Variants in NSUN3 observed in about 807,000 individuals in gnomAD.
NSUN3 encodes the protein NOP2/Sun RNA methyltransferase 3, also known as tRNA (cytosine(34)-C(5))-methyltransferase, mitochondrial.
In NSUN3, 24 loss-of-function variants were observed where a neutral mutation model predicts 36.8. The observed-to-expected ratio is 0.65, with a 90% CI of 0.47 to 0.92. NSUN3 has a LOEUF of 0.92. NSUN3 is among the 40% of genes least tolerant of loss of function. The probability of loss-of-function intolerance (pLI) is 0.00; values close to 1 mark genes in which losing one functional copy is unlikely to be tolerated. For missense variants in NSUN3, 381 were observed against 392.8 expected, an observed-to-expected ratio of 0.97 and a Z score of 0.25; for synonymous variants, 146 against 145.2, an observed-to-expected ratio of 1.01 and a Z score of -0.04.
intron 2 of NSUN3, among the ~76,000 whole-genome samples, chr3:94,069,367 A>G (rs2077216622): frequency 6.6e-6 from 1 of 152,228 alleles, no homozygotes; most frequent in Non-Finnish European, 1.5e-5. Flanking sequence ...GTGCATTTCC[A>G]TAAATTGATT....
chr3:94,063,093 G>T lies in NSUN3; in HGVS notation c.-34G>T. ...TGGAGGCTTTTTGATACTGATTCGCGTACACCTGTTGTTTGAAAGCTCTCA... is the reference window on the plus strand; with the variant it reads ...TGGAGGCTTTTTGATACTGATTCGCTTACACCTGTTGTTTGAAAGCTCTCA... On this transcript the variant is annotated 5_prime_UTR_variant, in exon 1 of 6. Transcript: ENST00000314622. The T allele has an allele frequency of 6.2e-7, 1 of 1,613,724 alleles. No homozygotes were observed. The highest frequency in any genetic ancestry group is 8.5e-7 in the Non-Finnish European group (1 of 1,179,760).
chr3:94,094,118 C>A (rs945187128), intron 3 of NSUN3, 22 bp from the exon 4 acceptor site: 95 of 1,535,858 alleles, frequency 6.2e-5, no homozygotes, highest in Non-Finnish European at 8.0e-5. Flanking sequence ...TCATTTGAAA[C>A]TTTTTAATCC....
chr3:94,089,403 G>A (rs1367688298), intron 3 of NSUN3, among the ~76,000 whole-genome samples: 1 of 152,168 alleles, frequency 6.6e-6, no homozygotes, highest in African/African-American at 2.4e-5. Context: ...CCAGGGAGAG[G>A]CAATTTCCCA....
intron 2 of NSUN3, among the ~76,000 whole-genome samples, chr3:94,065,697 A>G (rs1228450296): frequency 6.6e-6 from 1 of 152,246 alleles, no homozygotes; most frequent in African/African-American, 2.4e-5. Context: ...AAATGCTGTA[A>G]TATGCAAACC....
At chr3:94,069,111 C>T (rs2077215947) in intron 2 of NSUN3, among the ~76,000 whole-genome samples, 1 of 152,162 alleles carries the variant, frequency 6.6e-6, no homozygotes. Context: ...GAGTTGCATC[C>T]TTCCAAATGT....
chr3:94,093,019 A>G (rs1262223382), intron 3 of NSUN3, among the ~76,000 whole-genome samples: 4 of 151,872 alleles, frequency 2.6e-5, no homozygotes, highest in Admixed American at 6.6e-5. Flanking sequence ...GAGATAAATA[A>G]GAGAAGTACT....
chr3:94,069,234 G>C (rs2077216299), intron 2 of NSUN3, among the ~76,000 whole-genome samples: 1 of 152,150 alleles, frequency 6.6e-6, no homozygotes, highest in Non-Finnish European at 1.5e-5. Flanking sequence ...TAACAAATCT[G>C]GACATAAATT....
chr3:94,096,585 A>C (rs1427786923), intron 5 of NSUN3, among the ~76,000 whole-genome samples: 2 of 151,756 alleles, frequency 1.3e-5, no homozygotes, highest in African/African-American at 2.4e-5. Context: ...TCCAACATCT[A>C]CCTCCTGGGT....
At chr3:94,113,422 A>C (rs1339563552) in intron 5 of NSUN3, among the ~76,000 whole-genome samples, 1 of 152,216 alleles carries the variant, frequency 6.6e-6, no homozygotes, top group African/African-American at 2.4e-5. Flanking sequence ...TAATTGAAAG[A>C]TTGAATGAGG....
Position 94,084,379 on chromosome 3 carries a change from G to C in NSUN3, c.395G>C (p.Gly132Ala), listed in dbSNP as rs373585696. 16 of 1,614,056 alleles carry C rather than the reference G, an allele frequency of 9.9e-6. No individual in the cohort carries two copies. Among genetic ancestry groups the C allele is most frequent in the Non-Finnish European group, 1.3e-5 (15 of 1,180,020 alleles). Residue 132 changes from glycine to alanine, a missense_variant, in exon 3 of 6, where the codon GGG becomes GCG. Coordinates refer to ENST00000314622, the MANE Select transcript of NSUN3 (RefSeq NM_022072.5). ...LPVLALELRD[G>A]EKVLDLCAAP... ...GTGTTGGCTCTGGAATTAAGGGATG[G>C]GGAGAAGGTTCTGGATCTCTGTGCT...
At chr3:94,095,227 GC>G (rs1393760821) in intron 5 of NSUN3, 73 bp downstream of exon 5, 3 of 1,450,148 alleles carry the variant, frequency 2.1e-6, no homozygotes, top group Non-Finnish European at 1.9e-6. Context: ...AACATGTCAG[GC>G]CCCCAGTGGA....
At chr3:94,110,804 A>T (rs146665634) in intron 5 of NSUN3, among the ~76,000 whole-genome samples, 4 of 151,906 alleles carry the variant, frequency 2.6e-5, no homozygotes, top group African/African-American at 9.6e-5. Context: ...ATGTATGCAC[A>T]TATATACATA....
In NSUN3 at chr3:94,130,660, G is replaced by A. The variant is rs1321708550; in HGVS notation, c.*4170G>A. 6.6e-6 allele frequency among the ~76,000 whole-genome samples: 1 copy of A among 152,164 alleles called. No individual in the cohort carries two copies. The highest frequency in any genetic ancestry group is 1.5e-5 in the Non-Finnish European group (1 of 68,034). ...CCCCATCCCAGGGGAGAACGTGAAT[G>A]TTCCAAGGGACTTCGGCCTCTGGGG... On this transcript the variant is annotated 3_prime_UTR_variant, in exon 6 of 6. Transcript: ENST00000314622.
chr3:94,063,072 G>A lies in NSUN3; in HGVS notation c.-55G>A. 6 of 1,610,776 alleles carry A rather than the reference G, an allele frequency of 3.7e-6. No individual in the cohort carries two copies. The Admixed American group carries it at 8.3e-5, about 22-fold the overall frequency. On this transcript the variant is annotated 5_prime_UTR_variant, in exon 1 of 6. Transcript: ENST00000314622. ...AGACTGTTTTTTTCAGTTCCCTGGA[G>A]GCTTTTTGATACTGATTCGCGTACA... is the stretch of plus-strand genomic sequence containing the variant.
Position 94,084,219 on chromosome 3 carries a change from C to A in NSUN3, c.235C>A (p.Gln79Lys). The part of the protein sequence containing the change: ...LHLKGYHTLS[Q>K]GSLPNYPKSV... ...TTTGAAGGGCTATCACACACTCTCT[C>A]AGGGATCTTTACCCAACTATCCTAA... Residue 79 changes from glutamine (Q) to lysine (K), a missense_variant, in exon 3 of 6, where the codon CAG (glutamine) becomes AAG (lysine). Gln to Lys is a moderately conservative substitution (Grantham distance 53). Transcript: ENST00000314622. The A allele has an allele frequency of 6.2e-7, 1 of 1,614,098 alleles. No homozygotes were observed. The highest frequency in any genetic ancestry group is 8.5e-7 in the Non-Finnish European group (1 of 1,179,956).
At chr3:94,066,759 T>G (rs1334191289) in intron 2 of NSUN3, among the ~76,000 whole-genome samples, 5 of 152,228 alleles carry the variant, frequency 3.3e-5, no homozygotes, top group Non-Finnish European at 7.3e-5. Context: ...CAACTTCAGT[T>G]ACTTGGCAAA....
chr3:94,080,069 T>TC (rs2077261409), intron 2 of NSUN3, among the ~76,000 whole-genome samples: 3 of 152,164 alleles, frequency 2.0e-5, no homozygotes, highest in Admixed American at 1.3e-4. Context: ...TGTGGATATA[T>TC]CCCCTTTGGT....
chr3:94,087,856 A>G (rs2077298704), intron 3 of NSUN3, among the ~76,000 whole-genome samples: 1 of 152,014 alleles, frequency 6.6e-6, no homozygotes, highest in African/African-American at 2.4e-5. Context: ...TTTTGTAGAG[A>G]TGGGGTTTCA....
At chr3:94,101,720 A>G (rs1362608778) in intron 5 of NSUN3, among the ~76,000 whole-genome samples, 1 of 152,206 alleles carries the variant, frequency 6.6e-6, no homozygotes, top group East Asian at 1.9e-4. Flanking sequence ...ATCATTTCTC[A>G]AAATAATTTT....
Sources: allele counts gnomAD v4.1 joint callset (sites outside exome capture counted in the v4.1 genomes callset), GRCh38; gene constraint gnomAD v4.1.1; transcripts MANE v1.5; gene names NCBI Gene and HGNC (gene_info 2026-07-23, HGNC 2026-07-21).